Variants in CCDC102B observed in about 807,000 individuals in gnomAD.
CCDC102B encodes the protein coiled-coil domain-containing protein 102B.
A neutral mutation model predicts 57.4 loss-of-function variants in CCDC102B; 75 were observed. That is an observed-to-expected ratio of 1.31 (90% CI 1.08 to 1.58). CCDC102B has a LOEUF of 1.58. Ranked by LOEUF, CCDC102B falls within the 40% of genes most tolerant of loss-of-function variation. CCDC102B has a pLI of 0.00. For missense variants in CCDC102B, 636 were observed against 582.6 expected, an observed-to-expected ratio of 1.09 and a Z score of -0.94; for synonymous variants, 206 against 201.9, an observed-to-expected ratio of 1.02 and a Z score of -0.17.
chr18:69,035,718 T>C lies in CCDC102B; in HGVS notation c.1435-18312T>C, dbSNP rs1446363007. Among the ~76,000 whole-genome samples, 3 of 152,078 alleles carry C rather than the reference T, an allele frequency of 2.0e-5. No individual in the cohort carries two copies. In the East Asian group the frequency reaches 5.8e-4, roughly 29 times the overall value. ...GAGTTCATTGTCATACAGTCCTTAA[T>C]AAAGTGGACCAGAATATTTCACTTC... On this transcript the variant is annotated intron_variant, in intron 7 of 7. Transcript: ENST00000360242.
At chr18:68,929,445 G>A (rs886345949) in intron 6 of CCDC102B, among the ~76,000 whole-genome samples, 2 of 151,942 alleles carry the variant, frequency 1.3e-5, no homozygotes, top group Non-Finnish European at 2.9e-5. Flanking sequence ...GTTTTACTGA[G>A]GAAAGACAAT....
intron 6 of CCDC102B, among the ~76,000 whole-genome samples, chr18:68,957,814 A>T (rs998851791): frequency 5.3e-5 from 8 of 152,086 alleles, no homozygotes; most frequent in South Asian, 2.1e-4. Context: ...TTTCATCATA[A>T]AGATCTTTCA....
At chr18:69,032,725 A>G (rs965426693) in intron 7 of CCDC102B, among the ~76,000 whole-genome samples, 8 of 152,106 alleles carry the variant, frequency 5.3e-5, no homozygotes, top group African/African-American at 7.2e-5. Context: ...ATCAGCTACA[A>G]ATTTGCCACA....
intron 5 of CCDC102B, among the ~76,000 whole-genome samples, chr18:68,884,541 A>G (rs1317746725): frequency 6.6e-6 from 1 of 151,672 alleles, no homozygotes; most frequent in Non-Finnish European, 1.5e-5. Context: ...GGGCAGATGT[A>G]GGTCAGAGGC....
At chr18:68,750,755 C>T (rs1244358672) in intron 2 of CCDC102B, among the ~76,000 whole-genome samples, 3 of 139,028 alleles carry the variant, frequency 2.2e-5, no homozygotes, top group African/African-American at 8.3e-5. Flanking sequence ...ACAATGAGAA[C>T]ACTTGGACAC....
Position 68,848,066 on chromosome 18 carries a change from T to TA in CCDC102B, c.936+1646dup, listed in dbSNP as rs2037956015. ...TGTTTAAAAACTAAACAAACAATAC[T>TA]ACTTAGAATGAGTTTAATTATTTAT... On this transcript the variant is annotated intron_variant, in intron 4 of 7. Transcript: ENST00000360242. Among the ~76,000 whole-genome samples the TA allele has an allele frequency of 3.3e-5, 5 of 151,966 alleles. 1 individual carries two copies. In the South Asian group the frequency reaches 1.0e-3, roughly 31 times the overall value.
At position 68,998,991 on chromosome 18, in the gene CCDC102B, TATATATATAGAGAGAGAGAG is replaced by T. The variant is rs1265117385; in HGVS notation, c.1264-11941_1264-11922del. Among the ~76,000 whole-genome samples, 543 of 70,072 alleles carry T rather than the reference TATATATATAGAGAGAGAGAG, an allele frequency of 7.7e-3. 3 individuals are homozygous for T. Among genetic ancestry groups the T allele is most frequent in the African/African-American group, 0.023 (473 of 20,414 alleles). 46.0% of individuals were successfully genotyped at this position (70,072 alleles called of 152,430 possible). On this transcript the variant is annotated intron_variant, in intron 6 of 7. Coordinates refer to ENST00000360242, the MANE Select transcript of CCDC102B (RefSeq NM_024781.3). The stretch of plus-strand genomic sequence containing the variant: ...TCATATATATATATATATATATATA[TATATATATAGAGAGAGAGAG>T]AGAGAGAGAGAGAGAGAGAGAGAGA...
At chr18:68,877,820 T>C (rs971730414) in intron 5 of CCDC102B, among the ~76,000 whole-genome samples, 9 of 152,188 alleles carry the variant, frequency 5.9e-5, no homozygotes, top group African/African-American at 1.9e-4. Flanking sequence ...AAATCCCTGG[T>C]TAATATGAGT....
intron 2 of CCDC102B, among the ~76,000 whole-genome samples, chr18:68,718,595 T>G (rs1403351364): frequency 6.7e-6 from 1 of 150,356 alleles, no homozygotes; most frequent in Non-Finnish European, 1.5e-5. Flanking sequence ...TTTCTGTGTT[T>G]GGGCCCTAAT....
chr18:68,772,398 G>A (rs2034669722), intron 2 of CCDC102B, among the ~76,000 whole-genome samples: 2 of 151,564 alleles, frequency 1.3e-5, no homozygotes, highest in East Asian at 4.2e-4. Context: ...AACTTGTAGA[G>A]TACAAATTAT....
intron 2 of CCDC102B, among the ~76,000 whole-genome samples, chr18:68,740,049 C>T (rs968328816): frequency 1.3e-5 from 2 of 152,178 alleles, no homozygotes; most frequent in Admixed American, 6.5e-5. Context: ...AAGGATTTCT[C>T]AACCTCAGTA....
At chr18:69,036,538 C>T (rs1189564214) in intron 7 of CCDC102B, among the ~76,000 whole-genome samples, 1 of 151,988 alleles carries the variant, frequency 6.6e-6, no homozygotes, top group Non-Finnish European at 1.5e-5. Context: ...CAAATTATAG[C>T]CTACTTGCTT....
intron 6 of CCDC102B, among the ~76,000 whole-genome samples, chr18:68,995,619 G>T (rs746048801): frequency 6.6e-6 from 1 of 152,116 alleles, no homozygotes; most frequent in African/African-American, 2.4e-5. Context: ...AGCTTTGGGA[G>T]CCTCCAACTA....
At chr18:68,958,089 T>G (rs2049953670) in intron 6 of CCDC102B, among the ~76,000 whole-genome samples, 1 of 152,070 alleles carries the variant, frequency 6.6e-6, no homozygotes, top group African/African-American at 2.4e-5. Context: ...AGAGAGCTAG[T>G]GCAGGCAAAC....
intron 2 of CCDC102B, among the ~76,000 whole-genome samples, chr18:68,769,507 T>A (rs1286027607): frequency 1.3e-5 from 2 of 152,010 alleles, no homozygotes; most frequent in African/African-American, 4.8e-5. Flanking sequence ...CTCCTCTCAT[T>A]TTCTCCAACC....
intron 7 of CCDC102B, among the ~76,000 whole-genome samples, chr18:69,038,304 T>A (rs567897556): frequency 1.3e-5 from 2 of 151,152 alleles, no homozygotes; most frequent in East Asian, 3.9e-4. Flanking sequence ...ACCATTTAGG[T>A]TAACTTGACT....
chr18:68,822,401 GA>G (rs35792703), intron 1 of CCDC102B, among the ~76,000 whole-genome samples: 3 of 147,372 alleles, frequency 2.0e-5, no homozygotes, highest in Middle Eastern at 3.5e-3. Context: ...TTCAAAAAAA[GA>G]AAAAAAAAAC....
intron 6 of CCDC102B, among the ~76,000 whole-genome samples, chr18:68,998,024 C>T (rs1234740940): frequency 6.6e-6 from 1 of 152,002 alleles, no homozygotes; most frequent in African/African-American, 2.4e-5. Context: ...GTATTCTGAG[C>T]TGTTGAGTCA....
chr18:68,873,478 T>C (rs2039314969), intron 4 of CCDC102B, among the ~76,000 whole-genome samples: 1 of 152,172 alleles, frequency 6.6e-6, no homozygotes, highest in Admixed American at 6.5e-5. Flanking sequence ...ACTCAGGTAA[T>C]GCATTTGGCA....
Sources: allele counts gnomAD v4.1 joint callset (sites outside exome capture counted in the v4.1 genomes callset), GRCh38; gene constraint gnomAD v4.1.1; transcripts MANE v1.5; gene names NCBI Gene and HGNC (gene_info 2026-07-23, HGNC 2026-07-21).